RNF38: variants seen among roughly 807,000 people sequenced by gnomAD.
RNF38 encodes the protein ring finger protein 38.
Under a neutral mutation model 67.2 loss-of-function variants are expected in RNF38, and 15 were observed. That is an observed-to-expected ratio of 0.22 (90% CI 0.15 to 0.34). The LOEUF (loss-of-function observed/expected upper bound fraction) is 0.34, where lower values mean the gene tolerates loss of function less well. Ranked by LOEUF, RNF38 falls within the 10% of genes least tolerant of loss-of-function variation. The pLI is 1.00. For synonymous variants in RNF38, 220 were observed against 218.8 expected (o/e 1.01, Z -0.05); for missense variants, 524 against 639.9 (o/e 0.82, Z 1.95).
chr9:36,363,224 CCA>C (rs1301322401), intron 4 of RNF38, among the ~76,000 whole-genome samples: 1 of 100,044 alleles, frequency 1.0e-5, no homozygotes, highest in African/African-American at 3.0e-5. Context: ...CAGTGGAGCA[CCA>C]CAGTGAGAAC....
At chr9:36,433,570 C>G (rs991876255) in intron 1 of RNF38, among the ~76,000 whole-genome samples, 3 of 151,524 alleles carry the variant, frequency 2.0e-5, no homozygotes, top group African/African-American at 7.3e-5. Flanking sequence ...ACCTGTAATC[C>G]TAGCTACTCC....
intron 2 of RNF38, among the ~76,000 whole-genome samples, chr9:36,415,943 G>A (rs901188491): frequency 1.3e-5 from 2 of 152,006 alleles, no homozygotes; most frequent in African/African-American, 4.8e-5. Flanking sequence ...TTGGCCTCCA[G>A]TCAGAAGGTG....
In RNF38 at chr9:36,460,885, C is replaced by CAA. The variant is rs752827635; in HGVS notation, n.241+26421_241+26422dup. On this transcript the variant is annotated intron_variant and non_coding_transcript_variant, in intron 1 of 3. Transcript: ENST00000488058. ...CTGGGCAACAAGAGGGAAACTCTCTCAAAAAAAAAAAAAAAAAAAAAGAAA... is the reference window on the plus strand; with the variant it reads ...CTGGGCAACAAGAGGGAAACTCTCTCAAAAAAAAAAAAAAAAAAAAAAAGAAA... Among the ~76,000 whole-genome samples the CAA allele has an allele frequency of 4.9e-3, 256 of 52,620 alleles. 2 individuals are homozygous for CAA. Among genetic ancestry groups the CAA allele is most frequent in the Middle Eastern group, 0.016 (1 of 62 alleles). The allele number at this position is 52,620 out of a possible 152,430, so 34.5% of individuals were successfully genotyped here. A position where few individuals can be genotyped will look rare whatever the true frequency, so the allele number is the denominator to read the frequency against.
Position 36,338,346 on chromosome 9 carries a change from T to C in RNF38, c.*1406A>G, listed in dbSNP as rs1048134941. 7.9e-5 allele frequency: 12 copies of C among 152,252 alleles called. No homozygotes were observed. The highest frequency in any genetic ancestry group is 2.9e-4 in the African/African-American group (12 of 41,466). 9.4% of individuals were successfully genotyped at this position (152,252 alleles called of 1,614,324 possible). A position where few individuals can be genotyped will look rare whatever the true frequency, so the allele number is the denominator to read the frequency against. On this transcript the variant is annotated 3_prime_UTR_variant, in exon 12 of 12. Transcript: ENST00000259605. ...ACAAAAACCAAATCTTCATTTATAC[T>C]GCAAGTATTCTGGACACCTGTTGTA...
chr9:36,370,768 C>T (rs879803419), intron 3 of RNF38, among the ~76,000 whole-genome samples: 4 of 151,894 alleles, frequency 2.6e-5, no homozygotes, highest in African/African-American at 9.7e-5. Flanking sequence ...ATTAGCCGGG[C>T]GTGGTGGTGT....
At chr9:36,454,509 T>C (rs958554446) in intron 1 of RNF38, among the ~76,000 whole-genome samples, 1 of 151,992 alleles carries the variant, frequency 6.6e-6, no homozygotes, top group African/African-American at 2.4e-5. Flanking sequence ...GCACAAATAT[T>C]ATGTTAGGTG....
intron 6 of RNF38, among the ~76,000 whole-genome samples, chr9:36,354,384 G>A (rs1178063540): frequency 6.6e-6 from 1 of 152,122 alleles, no homozygotes; most frequent in Non-Finnish European, 1.5e-5. Flanking sequence ...GTAGACTTTA[G>A]TAGAGACAGG....
rs923138245 is a variant in RNF38, at chr9:36,357,872, G to C, written c.641C>G (p.Thr214Arg). 6.2e-7 allele frequency: 1 copy of C among 1,613,848 alleles called. No homozygotes were observed. Among genetic ancestry groups the C allele is most frequent in the Non-Finnish European group, 8.5e-7 (1 of 1,179,876 alleles). The change falls in exon 5 of 12, where the codon ACA becomes AGA. Residue 214 changes from threonine to arginine, a missense_variant. By Grantham distance (71) the Thr-to-Arg change is moderately conservative. Coordinates refer to ENST00000259605, the MANE Select transcript of RNF38 (RefSeq NM_022781.5). ...TVAPHGIPLC[T>R]GQHIPACSTQ... Reference sequence around the variant, plus strand: ...ACTACAAGCAGGGATGTGCTGGCCTGTGCAGAGTGGAATCCCATGTGGTGC... The same window carrying C: ...ACTACAAGCAGGGATGTGCTGGCCTCTGCAGAGTGGAATCCCATGTGGTGC...
intron 1 of RNF38, among the ~76,000 whole-genome samples, chr9:36,469,498 A>C (rs1188070720): frequency 2.7e-5 from 4 of 150,792 alleles, no homozygotes; most frequent in Non-Finnish European, 4.4e-5. Context: ...CATCTCTACT[A>C]AAAATACAAA....
intron 6 of RNF38, among the ~76,000 whole-genome samples, chr9:36,355,719 A>C (rs1415554336): frequency 1.3e-5 from 2 of 152,234 alleles, no homozygotes; most frequent in African/African-American, 4.8e-5. Flanking sequence ...ACAAATTTAG[A>C]CAAGTGACAT....
intron 2 of RNF38, among the ~76,000 whole-genome samples, chr9:36,422,055 A>T (rs1250272783): frequency 6.6e-6 from 1 of 152,080 alleles, no homozygotes; most frequent in East Asian, 1.9e-4. Flanking sequence ...AACATGGTGA[A>T]GTCCCATTTC....
intron 1 of RNF38, among the ~76,000 whole-genome samples, chr9:36,437,774 A>C (rs1587136146): frequency 6.6e-6 from 1 of 152,256 alleles, no homozygotes; most frequent in East Asian, 1.9e-4. Flanking sequence ...AAGGCAATTC[A>C]GTGAGTCTAT....
intron 1 of RNF38, among the ~76,000 whole-genome samples, chr9:36,438,031 A>C (rs999820936): frequency 6.6e-6 from 1 of 152,148 alleles, no homozygotes; most frequent in East Asian, 1.9e-4. Flanking sequence ...CTGCAGCCTC[A>C]ACCTCCTGGG....
intron 2 of RNF38, among the ~76,000 whole-genome samples, chr9:36,409,139 A>T (rs942509814): frequency 6.6e-6 from 1 of 151,982 alleles, no homozygotes; most frequent in Non-Finnish European, 1.5e-5. Flanking sequence ...GTGAGCCAAG[A>T]TCACACCACT....
At chr9:36,386,920 A>G (rs1346472414) in intron 2 of RNF38, among the ~76,000 whole-genome samples, 1 of 152,174 alleles carries the variant, frequency 6.6e-6, no homozygotes, top group Non-Finnish European at 1.5e-5. Context: ...CTTGTGTCTC[A>G]GCCTCTTGAG....
intron 1 of RNF38, among the ~76,000 whole-genome samples, chr9:36,447,222 C>T (rs1270686535): frequency 2.0e-5 from 3 of 151,998 alleles, no homozygotes; most frequent in Admixed American, 2.0e-4. Context: ...ACCTAATAGC[C>T]CAATTTTAGA....
At chr9:36,398,412 A>C (rs1837711257) in intron 1 of RNF38, among the ~76,000 whole-genome samples, 1 of 152,204 alleles carries the variant, frequency 6.6e-6, no homozygotes, top group African/African-American at 2.4e-5. Flanking sequence ...TGGAAAAACT[A>C]AAATTAAAAA....
At chr9:36,342,484 T>A in intron 10 of RNF38, 60 bp from the exon 11 acceptor site, 1 of 979,868 alleles carries the variant, frequency 1.0e-6, no homozygotes, top group Non-Finnish European at 1.6e-6. Flanking sequence ...TTGTTATGAC[T>A]ACTGAAACCT....
chr9:36,404,368 A>G (rs1248984689), upstream of RNF38, among the ~76,000 whole-genome samples: 1 of 152,222 alleles, frequency 6.6e-6, no homozygotes, highest in East Asian at 1.9e-4. Flanking sequence ...ACAGCAGGTT[A>G]TCCTTCAGAG....
Sources: allele counts gnomAD v4.1 joint callset (sites outside exome capture counted in the v4.1 genomes callset), GRCh38; gene constraint gnomAD v4.1.1; transcripts MANE v1.5; gene names NCBI Gene and HGNC (gene_info 2026-07-23, HGNC 2026-07-21).